The following THADA variants were observed in gnomAD, a reference collection of about 807,000 sequenced individuals.
THADA encodes THADA armadillo repeat containing, also known as tRNA (32-2'-O)-methyltransferase regulator THADA.
Under a neutral mutation model 219.8 loss-of-function variants are expected in THADA, and 213 were observed. That is an observed-to-expected ratio of 0.97 (90% CI 0.87 to 1.09). The LOEUF (loss-of-function observed/expected upper bound fraction) is 1.09, where lower values mean the gene tolerates loss of function less well. Among genes scored for constraint, THADA ranks in the 50% least tolerant of loss-of-function variants. THADA has a pLI of 0.00. For synonymous variants in THADA, 1,018 were observed against 828.9 expected (o/e 1.23, Z -3.92); for missense variants, 2,956 against 2,311.3 (o/e 1.28, Z -5.72).
intron 14 of THADA, among the ~76,000 whole-genome samples, chr2:43,569,870 G>A (rs1699103529): frequency 6.6e-6 from 1 of 152,166 alleles, no homozygotes; most frequent in Non-Finnish European, 1.5e-5. Context: ...GACTGGAGCT[G>A]CTGCACCCAG....
chr2:43,365,533 C>T (rs1054135316), intron 29 of THADA, among the ~76,000 whole-genome samples: 56 of 151,130 alleles, frequency 3.7e-4, no homozygotes, highest in Non-Finnish European at 3.8e-4. Flanking sequence ...ATCACGCCAC[C>T]GCACTCCAGC....
intron 20 of THADA, among the ~76,000 whole-genome samples, chr2:43,546,717 T>G (rs1315826346): frequency 2.6e-5 from 4 of 152,134 alleles, no homozygotes; most frequent in African/African-American, 7.2e-5. Context: ...GGTTTCCATT[T>G]GCTTGGTAGA....
intron 28 of THADA, among the ~76,000 whole-genome samples, chr2:43,420,170 A>G (rs1299643682): frequency 6.6e-6 from 1 of 152,182 alleles, no homozygotes; most frequent in Non-Finnish European, 1.5e-5. Flanking sequence ...CTGCCTTGCT[A>G]TTTGGGAAAG....
At chr2:43,582,130 C>G (rs533763368) in intron 7 of THADA, among the ~76,000 whole-genome samples, 48 of 152,288 alleles carry the variant, frequency 3.2e-4, no homozygotes, top group African/African-American at 1.1e-3. Flanking sequence ...TTAACTTAAT[C>G]TACATGTCCC....
At chr2:43,344,303 CCTTTT>C in intron 29 of THADA, 66 bp from the exon 30 acceptor site, 1 of 1,139,568 alleles carries the variant, frequency 8.8e-7, no homozygotes, top group Non-Finnish European at 1.3e-6. Context: ...TCAGTTCCTC[CCTTTT>C]AAGTTTCCTT....
In THADA at chr2:43,514,843, TATA is replaced by T. The variant is rs1233378968; in HGVS notation, c.3375-6066_3375-6064del. 9.0e-4 allele frequency among the ~76,000 whole-genome samples: 81 copies of T among 89,918 alleles called. 4 individuals carry two copies. The highest frequency in any genetic ancestry group is 2.5e-3 in the African/African-American group (52 of 20,856). 59.0% of individuals were successfully genotyped at this position (89,918 alleles called of 152,430 possible). A position where few individuals can be genotyped will look rare whatever the true frequency, so the allele number is the denominator to read the frequency against. On this transcript the variant is annotated intron_variant, in intron 22 of 37. Transcript: ENST00000405975. ...TAATATGTACAATATATATTTTATA[TATA>T]ATAATATGTACAATATATATTTTAT... is the stretch of plus-strand genomic sequence containing the variant.
chr2:43,527,848 T>A, intron 22 of THADA, 31 bp downstream of exon 22: 1 of 1,493,030 alleles, frequency 6.7e-7, no homozygotes, highest in Non-Finnish European at 9.3e-7. Context: ...TTAGTCTTTT[T>A]AAAACGTACA....
intron 31 of THADA, among the ~76,000 whole-genome samples, chr2:43,308,150 G>A (rs751328950): frequency 2.2e-4 from 33 of 151,696 alleles, no homozygotes; most frequent in Non-Finnish European, 1.5e-5. Flanking sequence ...AAGCCTAGGA[G>A]TTCAAGGCCA....
At chr2:43,336,458 G>C (rs533334659) in intron 30 of THADA, among the ~76,000 whole-genome samples, 86 of 152,160 alleles carry the variant, frequency 5.7e-4, no homozygotes, top group Admixed American at 1.3e-3. Context: ...TTTTAGTAGA[G>C]ATGGGGTTTC....
chr2:43,467,192 A>C (rs1684357225), intron 26 of THADA, among the ~76,000 whole-genome samples: 2 of 147,104 alleles, frequency 1.4e-5, no homozygotes, highest in Admixed American at 1.3e-4. Flanking sequence ...AAAAAAAAAA[A>C]AAAAAAAAAA....
chr2:43,423,041 T>G (rs1356434675), intron 28 of THADA, among the ~76,000 whole-genome samples: 1 of 152,216 alleles, frequency 6.6e-6, no homozygotes, highest in Non-Finnish European at 1.5e-5. Flanking sequence ...ATTCAAGCAT[T>G]TGCCCAATGC....
At chr2:43,365,597 A>ACACACACACACG in intron 29 of THADA, among the ~76,000 whole-genome samples, 1 of 151,068 alleles carries the variant, frequency 6.6e-6, no homozygotes, top group Non-Finnish European at 1.5e-5. Context: ...ACACACACAC[A>ACACACACACACG]CGCACAAAAT....
At position 43,352,708 on chromosome 2, in the gene THADA, G is replaced by A. The variant is rs144933677; in HGVS notation, c.4228-8471C>T. Among the ~76,000 whole-genome samples, 1,037 of 151,482 alleles carry A rather than the reference G, an allele frequency of 6.8e-3. 9 individuals carry two copies. The highest frequency in any genetic ancestry group is 0.024 in the African/African-American group (986 of 41,262). The stretch of plus-strand genomic sequence containing the variant: ...GAGAGAAAGAGAAAGAGAGAGAGAG[G>A]GTTACTATAGTGAAACAAATTAGCA... On this transcript the variant is annotated intron_variant, in intron 29 of 37. Coordinates refer to ENST00000405975, the MANE Select transcript of THADA (RefSeq NM_022065.5).
intron 31 of THADA, among the ~76,000 whole-genome samples, chr2:43,293,661 T>C (rs979568405): frequency 1.1e-4 from 16 of 152,216 alleles, no homozygotes; most frequent in African/African-American, 3.9e-4. Flanking sequence ...CCATTGTTAG[T>C]AGATCTAATT....
At chr2:43,271,106 T>C (rs941183111) in intron 36 of THADA, among the ~76,000 whole-genome samples, 3 of 152,176 alleles carry the variant, frequency 2.0e-5, no homozygotes, top group Non-Finnish European at 4.4e-5. Flanking sequence ...ACCTGGGACC[T>C]GATAAGCAAC....
intron 36 of THADA, among the ~76,000 whole-genome samples, chr2:43,260,957 A>G (rs1670864658): frequency 6.6e-6 from 1 of 152,196 alleles, no homozygotes. Context: ...TGAGAAAGGA[A>G]AAGTATCCTA....
intron 30 of THADA, among the ~76,000 whole-genome samples, chr2:43,325,301 T>A (rs1406808860): frequency 1.3e-5 from 2 of 151,754 alleles, no homozygotes; most frequent in Non-Finnish European, 2.9e-5. Context: ...GCTGCAGGTT[T>A]TTTTTTTTGG....
At chr2:43,405,077 C>T (rs923722508) in intron 28 of THADA, among the ~76,000 whole-genome samples, 10 of 152,220 alleles carry the variant, frequency 6.6e-5, no homozygotes, top group Non-Finnish European at 1.3e-4. Context: ...TACCCTCCTC[C>T]TTCCCCTCTA....
At chr2:43,415,235 A>C (rs1286749338) in intron 28 of THADA, among the ~76,000 whole-genome samples, 2 of 152,332 alleles carry the variant, frequency 1.3e-5, no homozygotes, top group East Asian at 3.9e-4. Context: ...AAGAATGAAA[A>C]TCTACAAGGT....
Sources: allele counts gnomAD v4.1 joint callset (sites outside exome capture counted in the v4.1 genomes callset), GRCh38; gene constraint gnomAD v4.1.1; transcripts MANE v1.5; gene names NCBI Gene and HGNC (gene_info 2026-07-23, HGNC 2026-07-21).